RAPGEF2: variants seen among roughly 807,000 people sequenced by gnomAD.
The protein encoded by RAPGEF2 is Rap guanine nucleotide exchange factor 2.
A neutral mutation model predicts 186.7 loss-of-function variants in RAPGEF2; 54 were observed. The ratio of observed to expected loss-of-function variants is 0.29; its 90% CI spans 0.23 to 0.36. The LOEUF is 0.36. Ranked by LOEUF, RAPGEF2 falls within the 10% of genes least tolerant of loss-of-function variation. The probability of loss-of-function intolerance (pLI) is 1.00; values close to 1 mark genes in which losing one functional copy is unlikely to be tolerated. For synonymous variants in RAPGEF2, 712 were observed against 705.9 expected, an observed-to-expected ratio of 1.01 and a Z score of -0.14; for missense variants, 1,532 against 2,045.0, an observed-to-expected ratio of 0.75 and a Z score of 4.84.
intron 24 of RAPGEF2, among the ~76,000 whole-genome samples, chr4:159,346,000 GATTTACCCAGGATGCT>G (rs1730256641): frequency 6.6e-6 from 1 of 152,150 alleles, no homozygotes. Context: ...TGGATTATTA[GATTTACCCAGGATGCT>G]GTAGAAGCAC....
intron 8 of RAPGEF2, among the ~76,000 whole-genome samples, chr4:159,306,796 G>A (rs1187787159): frequency 6.6e-6 from 1 of 152,114 alleles, no homozygotes; most frequent in Non-Finnish European, 1.5e-5. Context: ...AGTCCATACT[G>A]AGTGTGACAA....
At chr4:159,157,841 C>CT (rs1744291791) in intron 1 of RAPGEF2, among the ~76,000 whole-genome samples, 1 of 152,072 alleles carries the variant, frequency 6.6e-6, no homozygotes, top group South Asian at 2.1e-4. Flanking sequence ...TAGGACAGTT[C>CT]TTTGAGTATT....
intron 7 of RAPGEF2, among the ~76,000 whole-genome samples, chr4:159,266,686 A>G (rs1321127121): frequency 2.6e-5 from 4 of 152,112 alleles, no homozygotes; most frequent in Non-Finnish European, 5.9e-5. Flanking sequence ...CACATCATCT[A>G]AATGTATACA....
At chr4:159,140,855 G>A (rs919210828) in intron 1 of RAPGEF2, among the ~76,000 whole-genome samples, 11 of 150,938 alleles carry the variant, frequency 7.3e-5, no homozygotes, top group Admixed American at 5.3e-4. Flanking sequence ...TTTTTGAGAC[G>A]GAGTCTCACT....
At position 159,355,745 on chromosome 4, in the gene RAPGEF2, C is replaced by T. The variant is rs982631658; in HGVS notation, c.4652-108C>T. The T allele has an allele frequency of 4.7e-6, 5 of 1,074,218 alleles. No homozygotes were observed. In the African/African-American group the frequency reaches 6.4e-5, roughly 14 times the overall value. 66.5% of individuals were successfully genotyped at this position (1,074,218 alleles called of 1,614,324 possible). Reference sequence around the variant, plus strand: ...CTCTAACCGATACCATGCAAATGCACATCTGCTGCTACACTGTGGATGCTG... The same window carrying T: ...CTCTAACCGATACCATGCAAATGCATATCTGCTGCTACACTGTGGATGCTG... On this transcript the variant is annotated intron_variant, in intron 28 of 29. Transcript: ENST00000691494.
intron 1 of RAPGEF2, among the ~76,000 whole-genome samples, chr4:159,104,605 C>A (rs1396243131): frequency 1.3e-5 from 2 of 151,724 alleles, no homozygotes; most frequent in African/African-American, 4.9e-5. Context: ...CTAGCTTTCC[C>A]TCTCCCCAGC....
chr4:159,196,545 AC>A (rs34180451), intron 3 of RAPGEF2, among the ~76,000 whole-genome samples: 1 of 133,824 alleles, frequency 7.5e-6, no homozygotes, highest in Admixed American at 7.5e-5. Context: ...CTTTTGATCC[AC>A]CCCTGTACCT....
chr4:159,205,599 C>T (rs1749888085), intron 3 of RAPGEF2, among the ~76,000 whole-genome samples: 1 of 152,136 alleles, frequency 6.6e-6, no homozygotes, highest in Non-Finnish European at 1.5e-5. Context: ...ATCATGGGGG[C>T]AGATTTCCCC....
rs544568795 is a variant in RAPGEF2, at chr4:159,304,383, C to T, written c.585C>T (p.Leu195=). ...DFTKLHLTDS[L]HPQVTHVSSS... ...CAAAACTGCATCTTACTGACAGTCTCCACCCACAGGTGACCCACGTTTCTT... is the reference window on the plus strand; with the variant it reads ...CAAAACTGCATCTTACTGACAGTCTTCACCCACAGGTGACCCACGTTTCTT... Residue 195 remains leucine, a synonymous_variant, in exon 8 of 30, where the codon CTC becomes CTT. Coordinates refer to ENST00000691494, the MANE Select transcript of RAPGEF2 (RefSeq NM_001394067.2). 5 of 1,605,118 alleles carry T rather than the reference C, an allele frequency of 3.1e-6. No individual in the cohort carries two copies. In the African/African-American group the frequency reaches 4.0e-5, roughly 13 times the overall value.
chr4:159,161,787 C>G (rs1286861837), intron 1 of RAPGEF2, among the ~76,000 whole-genome samples: 2 of 152,148 alleles, frequency 1.3e-5, no homozygotes, highest in Non-Finnish European at 2.9e-5. Context: ...AATTGCTTAT[C>G]TTCATACATA....
At chr4:159,204,561 A>G (rs943585456) in intron 3 of RAPGEF2, among the ~76,000 whole-genome samples, 29 of 152,318 alleles carry the variant, frequency 1.9e-4, no homozygotes, top group African/African-American at 6.0e-4. Context: ...CTATCTGTTT[A>G]CATTGGAAGG....
At chr4:159,306,339 C>CT (rs1411542268) in intron 8 of RAPGEF2, among the ~76,000 whole-genome samples, 2 of 152,056 alleles carry the variant, frequency 1.3e-5, no homozygotes, top group African/African-American at 4.8e-5. Flanking sequence ...TTGTAAAGCT[C>CT]TTTCACCTCC....
intron 2 of RAPGEF2, 55 bp from the exon 3 acceptor site, chr4:159,193,145 A>G: frequency 9.2e-7 from 1 of 1,088,472 alleles, no homozygotes; most frequent in Non-Finnish European, 1.3e-6. Flanking sequence ...GGTTTAAAAT[A>G]CCAGTCTGTT....
At chr4:159,204,821 G>A (rs1257544353) in intron 3 of RAPGEF2, among the ~76,000 whole-genome samples, 5 of 152,132 alleles carry the variant, frequency 3.3e-5, no homozygotes, top group South Asian at 4.2e-4. Context: ...TTCTGTAAGC[G>A]TGAATTCCCC....
chr4:159,202,632 G>A (rs1191626214), intron 3 of RAPGEF2, among the ~76,000 whole-genome samples: 1 of 151,738 alleles, frequency 6.6e-6, no homozygotes, highest in African/African-American at 2.4e-5. Context: ...GCGGAGTTTT[G>A]CTCTTGTTGC....
chr4:159,294,775 G>A (rs1761722868), intron 7 of RAPGEF2, among the ~76,000 whole-genome samples: 1 of 151,974 alleles, frequency 6.6e-6, no homozygotes, highest in Non-Finnish European at 1.5e-5. Flanking sequence ...TTGGCCCAGT[G>A]CAAACTCTGC....
chr4:159,205,793 G>A (rs1432761598), intron 3 of RAPGEF2, among the ~76,000 whole-genome samples: 17 of 152,104 alleles, frequency 1.1e-4, no homozygotes, highest in African/African-American at 2.7e-4. Context: ...TACAGCCTGC[G>A]GAACTGTGAG....
At chr4:159,185,811 A>G (rs1747497772) in intron 1 of RAPGEF2, among the ~76,000 whole-genome samples, 1 of 152,186 alleles carries the variant, frequency 6.6e-6, no homozygotes, top group Admixed American at 6.5e-5. Context: ...TATGTGAATC[A>G]TCAGTAAATA....
At chr4:159,199,463 C>G (rs946647357) in intron 3 of RAPGEF2, among the ~76,000 whole-genome samples, 5 of 147,486 alleles carry the variant, frequency 3.4e-5, no homozygotes, top group African/African-American at 1.3e-4. Flanking sequence ...TTAGTCTGTT[C>G]CCGATGGTTT....
Sources: allele counts gnomAD v4.1 joint callset (sites outside exome capture counted in the v4.1 genomes callset), GRCh38; gene constraint gnomAD v4.1.1; transcripts MANE v1.5; gene names NCBI Gene and HGNC (gene_info 2026-07-23, HGNC 2026-07-21).